SHQ1: variants seen among roughly 807,000 people sequenced by gnomAD.
SHQ1 encodes the protein protein SHQ1 homolog.
SHQ1 carries 49 observed loss-of-function variants against 53.8 expected under a neutral mutation model. The observed-to-expected ratio is 0.91, with a 90% confidence interval of 0.72 to 1.16. SHQ1 has a LOEUF of 1.16. Ranked by LOEUF, SHQ1 falls within the 50% of genes most tolerant of loss-of-function variation. SHQ1 has a pLI of 0.00. For synonymous variants in SHQ1, 243 were observed against 251.0 expected (o/e 0.97, Z 0.30); for missense variants, 738 against 683.1 (o/e 1.08, Z -0.90).
At chr3:72,819,763 A>T (rs979825297) in intron 6 of SHQ1, among the ~76,000 whole-genome samples, 3 of 152,212 alleles carry the variant, frequency 2.0e-5, no homozygotes, top group Non-Finnish European at 2.9e-5. Flanking sequence ...AATTAATAAG[A>T]CAGATAAACT....
the SHQ1 span, among the ~76,000 whole-genome samples, chr3:72,734,844 G>A: frequency 2.6e-5 from 4 of 151,650 alleles, no homozygotes; most frequent in East Asian, 3.9e-4. Context: ...ATGCCTTTAC[G>A]ACACAAGTAA....
intron 5 of SHQ1, 56 bp downstream of exon 5, chr3:72,832,313 A>C: frequency 7.4e-7 from 1 of 1,352,326 alleles, no homozygotes. Flanking sequence ...GACACTCAAA[A>C]ATTTTAAAAT....
intron 4 of SHQ1, among the ~76,000 whole-genome samples, chr3:72,833,520 AGATGGAT>A (rs1433980902): frequency 3.1e-4 from 44 of 142,782 alleles, no homozygotes; most frequent in Admixed American, 5.1e-4. Flanking sequence ...ACAGACAGAT[AGATGGAT>A]GATAGACAGA....
At chr3:72,780,283 G>C (rs889125926) in intron 10 of SHQ1, among the ~76,000 whole-genome samples, 19 of 152,172 alleles carry the variant, frequency 1.2e-4, no homozygotes, top group Non-Finnish European at 2.1e-4. Flanking sequence ...ATTTAATACA[G>C]AGTGGAGATC....
At chr3:72,845,997 A>C (rs1046019918) in intron 1 of SHQ1, among the ~76,000 whole-genome samples, 1 of 152,220 alleles carries the variant, frequency 6.6e-6, no homozygotes, top group African/African-American at 2.4e-5. Context: ...CAAGTTAATT[A>C]TTCTTCAAGA....
intron 9 of SHQ1, among the ~76,000 whole-genome samples, chr3:72,811,078 G>A (rs1707104337): frequency 6.6e-6 from 1 of 151,998 alleles, no homozygotes; most frequent in Non-Finnish European, 1.5e-5. Context: ...TTTATTTTTG[G>A]TTATGCAATC....
intron 10 of SHQ1, among the ~76,000 whole-genome samples, chr3:72,788,601 A>G (rs767878397): frequency 3.3e-5 from 5 of 152,230 alleles, no homozygotes. Flanking sequence ...CATTGAGAAC[A>G]GGCCATGATG....
At chr3:72,801,702 C>T (rs557295374) in intron 9 of SHQ1, among the ~76,000 whole-genome samples, 2 of 152,260 alleles carry the variant, frequency 1.3e-5, no homozygotes, top group African/African-American at 4.8e-5. Flanking sequence ...ACTGGTAGAA[C>T]TGAGCTATGC....
chr3:72,813,012 C>T (rs1485197294), intron 8 of SHQ1, among the ~76,000 whole-genome samples: 1 of 152,160 alleles, frequency 6.6e-6, no homozygotes, highest in African/African-American at 2.4e-5. Flanking sequence ...ACTATCAATA[C>T]ATCACAAATG....
At chr3:72,763,769 C>T (rs562951854) in intron 10 of SHQ1, among the ~76,000 whole-genome samples, 21 of 152,164 alleles carry the variant, frequency 1.4e-4, no homozygotes, top group Non-Finnish European at 2.5e-4. Flanking sequence ...AGCAGAGAGG[C>T]ACGGAACAGA....
Position 72,844,466 on chromosome 3 carries a change from C to A in SHQ1, c.144-43G>T, listed in dbSNP as rs757916025. The A allele has an allele frequency of 6.0e-6, 9 of 1,499,636 alleles. No individual in the cohort carries two copies. In the South Asian group the frequency reaches 7.9e-5, roughly 13 times the overall value. The allele number at this position is 1,499,636 out of a possible 1,614,324, so 92.9% of individuals were successfully genotyped here. A position where few individuals can be genotyped will look rare whatever the true frequency, so the allele number is the denominator to read the frequency against. On this transcript the variant is annotated intron_variant, in intron 1 of 10. Coordinates refer to ENST00000325599, the MANE Select transcript of SHQ1 (RefSeq NM_018130.3). ...GTCTCATGAAGTCCTTAAATTATAA[C>A]GTAACATAAGTGGCCATCAATACTT...
At chr3:72,725,277 C>G in the SHQ1 span, among the ~76,000 whole-genome samples, 2 of 152,080 alleles carry the variant, frequency 1.3e-5, 1 homozygote, top group South Asian at 4.1e-4. Context: ...CTGCACCACG[C>G]ACACTCAGGC....
intron 6 of SHQ1, among the ~76,000 whole-genome samples, chr3:72,823,460 G>A (rs529627538): frequency 1.3e-5 from 2 of 152,076 alleles, no homozygotes; most frequent in Non-Finnish European, 2.9e-5. Flanking sequence ...GTCAAAGAAG[G>A]CCACTATATA....
chr3:72,823,953 A>G (rs562549764), intron 6 of SHQ1, among the ~76,000 whole-genome samples: 1 of 152,304 alleles, frequency 6.6e-6, no homozygotes, highest in African/African-American at 2.4e-5. Flanking sequence ...TATATTTCTA[A>G]TGTATAGTCT....
chr3:72,778,602 A>G (rs750899659), intron 10 of SHQ1, among the ~76,000 whole-genome samples: 10 of 152,208 alleles, frequency 6.6e-5, no homozygotes, highest in Non-Finnish European at 1.3e-4. Flanking sequence ...TTTATATTTC[A>G]TAAGAAAACA....
chr3:72,813,062 A>C (rs778581211), intron 8 of SHQ1, among the ~76,000 whole-genome samples: 3 of 152,270 alleles, frequency 2.0e-5, no homozygotes, highest in Non-Finnish European at 2.9e-5. Context: ...AAGATTACAA[A>C]TAAGAATCTA....
chr3:72,846,067 G>T (rs1302574414), intron 1 of SHQ1: 2 of 721,480 alleles, frequency 2.8e-6, no homozygotes, highest in East Asian at 2.7e-5. Context: ...GCGTTACTAT[G>T]AGCATGAAAT....
chr3:72,741,359 G>A, the SHQ1 span, among the ~76,000 whole-genome samples: 1 of 152,130 alleles, frequency 6.6e-6, no homozygotes, highest in Non-Finnish European at 1.5e-5. Context: ...GCCAAGGCAG[G>A]TGGATCACCT....
chr3:72,829,939 T>C (rs1415561389), intron 5 of SHQ1, among the ~76,000 whole-genome samples: 1 of 152,126 alleles, frequency 6.6e-6, no homozygotes, highest in East Asian at 1.9e-4. Context: ...TTGGCTATAA[T>C]AATAAGCAGT....
Sources: gnomAD v4.1 joint callset for allele counts (sites outside exome capture counted in the v4.1 genomes callset) on GRCh38, gnomAD v4.1.1 for gene constraint, MANE v1.5 for transcripts, NCBI Gene and HGNC (gene_info 2026-07-23, HGNC 2026-07-21) for gene names.